SLC24A3: variants seen among roughly 807,000 people sequenced by gnomAD.
The protein encoded by SLC24A3 is solute carrier family 24 member 3.
A neutral mutation model predicts 75.8 loss-of-function variants in SLC24A3; 28 were observed. That is an observed-to-expected ratio of 0.37 (90% CI 0.27 to 0.51). The LOEUF (loss-of-function observed/expected upper bound fraction) is 0.51, where lower values mean the gene tolerates loss of function less well. Among genes scored for constraint, SLC24A3 ranks in the 20% least tolerant of loss-of-function variants. The pLI is 0.94. For missense variants in SLC24A3, 663 were observed against 847.8 expected, an observed-to-expected ratio of 0.78 and a Z score of 2.71; for synonymous variants, 372 against 334.1, an observed-to-expected ratio of 1.11 and a Z score of -1.24.
At chr20:19,561,535 G>A (rs1022190339) in intron 3 of SLC24A3, among the ~76,000 whole-genome samples, 6 of 152,134 alleles carry the variant, frequency 3.9e-5, no homozygotes, top group African/African-American at 1.4e-4. Flanking sequence ...TGCAGTCGAA[G>A]AATAAGCCTG....
At chr20:19,613,684 C>T (rs977123943) in intron 6 of SLC24A3, among the ~76,000 whole-genome samples, 1 of 152,202 alleles carries the variant, frequency 6.6e-6, no homozygotes, top group African/African-American at 2.4e-5. Flanking sequence ...GCCAATGTCT[C>T]CATTACAGAG....
At chr20:19,639,477 C>G in intron 6 of SLC24A3, among the ~76,000 whole-genome samples, 1 of 152,242 alleles carries the variant, frequency 6.6e-6, no homozygotes, top group Non-Finnish European at 1.5e-5. Flanking sequence ...GAGCTAGATA[C>G]AGAGTGCCCA....
At chr20:19,483,726 T>C (rs561476257) in intron 2 of SLC24A3, among the ~76,000 whole-genome samples, 3 of 152,300 alleles carry the variant, frequency 2.0e-5, no homozygotes, top group South Asian at 2.1e-4. Context: ...GCTGTGATAA[T>C]AGCCCAGCTT....
intron 2 of SLC24A3, among the ~76,000 whole-genome samples, chr20:19,318,083 G>A (rs983869056): frequency 2.0e-5 from 3 of 152,198 alleles, no homozygotes; most frequent in Non-Finnish European, 4.4e-5. Context: ...GCTGATGGGA[G>A]GTGGTGTACA....
chr20:19,701,072 A>G (rs1213097872), intron 15 of SLC24A3, among the ~76,000 whole-genome samples: 1 of 152,158 alleles, frequency 6.6e-6, no homozygotes, highest in African/African-American at 2.4e-5. Context: ...CAGCTTTATG[A>G]CACCCTCATA....
chr20:19,614,092 G>A (rs1357348870), intron 6 of SLC24A3, among the ~76,000 whole-genome samples: 1 of 152,206 alleles, frequency 6.6e-6, no homozygotes, highest in Non-Finnish European at 1.5e-5. Context: ...GGGACAGTTT[G>A]CATCTGGAAT....
intron 12 of SLC24A3, among the ~76,000 whole-genome samples, chr20:19,688,643 TGAG>T (rs2032708887): frequency 6.6e-6 from 1 of 152,212 alleles, no homozygotes; most frequent in African/African-American, 2.4e-5. Context: ...GTCCACATGA[TGAG>T]GACATTTTTC....
At chr20:19,535,064 T>C (rs974675100) in intron 3 of SLC24A3, among the ~76,000 whole-genome samples, 1 of 152,208 alleles carries the variant, frequency 6.6e-6, no homozygotes, top group East Asian at 1.9e-4. Context: ...GAACTCTTTT[T>C]AACAGAGTAT....
chr20:19,636,404 A>C lies in SLC24A3; in HGVS notation c.613-17658A>C, dbSNP rs139279724. ...TATTAATAGACTAATGGCTTTCCCA[A>C]GACAGTACCAGAAAGATGCTCTTTA... On this transcript the variant is annotated intron_variant, in intron 6 of 16. Coordinates refer to ENST00000328041, the MANE Select transcript of SLC24A3 (RefSeq NM_020689.4). 8.0e-3 allele frequency among the ~76,000 whole-genome samples: 1,214 copies of C among 152,312 alleles called. 13 individuals carry two copies. Among genetic ancestry groups the C allele is most frequent in the African/African-American group, 0.028 (1,164 of 41,560 alleles).
intron 1 of SLC24A3, among the ~76,000 whole-genome samples, chr20:19,272,796 A>G (rs896090262): frequency 1.3e-5 from 2 of 152,184 alleles, no homozygotes; most frequent in Non-Finnish European, 2.9e-5. Context: ...CACAATGGCT[A>G]CAGCATCCAG....
intron 2 of SLC24A3, among the ~76,000 whole-genome samples, chr20:19,299,919 C>T (rs892742742): frequency 2.0e-5 from 3 of 152,176 alleles, no homozygotes; most frequent in Non-Finnish European, 4.4e-5. Context: ...ATGTTTAAAG[C>T]CAGGAACGCT....
intron 2 of SLC24A3, among the ~76,000 whole-genome samples, chr20:19,304,616 A>G (rs6035284): frequency 0.52 from 78,907 of 152,080 alleles, 22,778 homozygotes; most frequent in African/African-American, 0.77. Context: ...GGCGTCATTC[A>G]TGCCCAGTAA....
chr20:19,352,507 T>G (rs774306848), intron 2 of SLC24A3, among the ~76,000 whole-genome samples: 1 of 152,186 alleles, frequency 6.6e-6, no homozygotes, highest in Non-Finnish European at 1.5e-5. Flanking sequence ...ATTTGATTAT[T>G]GAAACAGCCC....
At chr20:19,314,084 A>AG (rs141727404) in intron 2 of SLC24A3, among the ~76,000 whole-genome samples, 15,987 of 152,070 alleles carry the variant, frequency 0.11, 2,729 homozygotes, top group African/African-American at 0.36. Flanking sequence ...TACAGAACCC[A>AG]GGACTGTTGA....
intron 2 of SLC24A3, among the ~76,000 whole-genome samples, chr20:19,367,734 T>C (rs1985919236): frequency 6.6e-6 from 1 of 151,992 alleles, no homozygotes; most frequent in African/African-American, 2.4e-5. Flanking sequence ...CATGAGAGGG[T>C]CTGGTGGGGA....
At chr20:19,690,578 T>C (rs560986507) in intron 12 of SLC24A3, among the ~76,000 whole-genome samples, 2 of 152,360 alleles carry the variant, frequency 1.3e-5, no homozygotes, top group Admixed American at 6.5e-5. Context: ...ATCAGCCATA[T>C]GGAAGGCCGT....
At chr20:19,275,802 C>T (rs887867540) in intron 1 of SLC24A3, among the ~76,000 whole-genome samples, 31 of 152,228 alleles carry the variant, frequency 2.0e-4, no homozygotes, top group East Asian at 3.9e-4. Flanking sequence ...GCCAACATCC[C>T]GTGCTATCCC....
At chr20:19,268,626 G>C (rs1433864206) in intron 1 of SLC24A3, among the ~76,000 whole-genome samples, 1 of 152,200 alleles carries the variant, frequency 6.6e-6, no homozygotes, top group Admixed American at 6.5e-5. Context: ...ACATCACCAA[G>C]ATGACAAATT....
At chr20:19,692,750 C>A (rs1372785472) in intron 12 of SLC24A3, among the ~76,000 whole-genome samples, 2 of 152,102 alleles carry the variant, frequency 1.3e-5, no homozygotes, top group Non-Finnish European at 2.9e-5. Flanking sequence ...CCTTCAAATC[C>A]TCTTTGAAGA....
Sources: gnomAD v4.1 joint callset for allele counts (sites outside exome capture counted in the v4.1 genomes callset) on GRCh38, gnomAD v4.1.1 for gene constraint, MANE v1.5 for transcripts, NCBI Gene and HGNC (gene_info 2026-07-23, HGNC 2026-07-21) for gene names.